The following NDUFAF6 variants were observed in gnomAD, a reference collection of about 807,000 sequenced individuals.
NDUFAF6 encodes the protein NADH:ubiquinone oxidoreductase complex assembly factor 6, also known as NADH dehydrogenase (ubiquinone) complex I, assembly factor 6.
In NDUFAF6, 45 loss-of-function variants were observed where a neutral mutation model predicts 40.8. The ratio of observed to expected loss-of-function variants is 1.10; its 90% CI spans 0.87 to 1.42. The LOEUF (loss-of-function observed/expected upper bound fraction) is 1.42. Among genes scored for constraint, NDUFAF6 ranks in the 40% most tolerant of loss-of-function variants. NDUFAF6 has a pLI of 0.00. For missense variants in NDUFAF6, 435 were observed against 418.5 expected (o/e 1.04, Z -0.34); for synonymous variants, 185 against 155.9 (o/e 1.19, Z -1.39).
At chr8:95,096,616 A>C (rs1019762346), upstream of NDUFAF6, among the ~76,000 whole-genome samples, 3 of 152,216 alleles carry the variant, frequency 2.0e-5, no homozygotes, top group African/African-American at 7.2e-5. Context: ...AAAGCTGTAC[A>C]AGTAGTAAGT....
chr8:95,101,139 A>G (rs1289310637), exon 2 of NDUFAF6: 1 of 152,222 alleles, frequency 6.6e-6, no homozygotes, highest in East Asian at 1.9e-4. Context: ...CAGGGCAAAG[A>G]AGGCTTTATT....
At chr8:95,061,926 G>A (rs1832581078), downstream of NDUFAF6, among the ~76,000 whole-genome samples, 1 of 152,122 alleles carries the variant, frequency 6.6e-6, no homozygotes, top group Non-Finnish European at 1.5e-5. Flanking sequence ...AGGAGGCCGA[G>A]GCAGGTGGAT....
chr8:94,995,252 T>C (rs1826372895), intron 2 of NDUFAF6, among the ~76,000 whole-genome samples: 1 of 152,174 alleles, frequency 6.6e-6, no homozygotes, highest in African/African-American at 2.4e-5. Flanking sequence ...TCATATGAGG[T>C]ATCTAAAGGA....
At chr8:94,980,647 C>CG (rs1825368379) in intron 1 of NDUFAF6, among the ~76,000 whole-genome samples, 1 of 150,672 alleles carries the variant, frequency 6.6e-6, no homozygotes. Context: ...GGGGGGGTCT[C>CG]ACCATGTTGG....
Position 95,012,637 on chromosome 8 carries a change from G to A in NDUFAF6, c.-83-19358G>A, listed in dbSNP as rs571688207. On this transcript the variant is annotated intron_variant, in intron 2 of 9. Coordinates refer to the NDUFAF6 transcript ENST00000396111. ...CCAGCCTGGGCAACAGCAAGACTCT[G>A]TCTCTAAAATAAATAAATAAATAAA... is the stretch of plus-strand genomic sequence containing the variant. 6.6e-4 allele frequency among the ~76,000 whole-genome samples: 61 copies of A among 92,358 alleles called. 1 individual carries two copies. In the South Asian group the frequency reaches 0.023, roughly 35 times the overall value. 60.6% of individuals were successfully genotyped at this position (92,358 alleles called of 152,430 possible).
At chr8:94,964,023 A>T (rs4735340) in intron 1 of NDUFAF6, among the ~76,000 whole-genome samples, 77,002 of 152,042 alleles carry the variant, frequency 0.51, 19,925 homozygotes, top group East Asian at 0.72. Context: ...CTGTGCTAAA[A>T]TTCTGTGGCC....
At chr8:94,918,441 T>C (rs1481753904) in intron 1 of NDUFAF6, among the ~76,000 whole-genome samples, 23 of 152,178 alleles carry the variant, frequency 1.5e-4, no homozygotes, top group Admixed American at 1.5e-3. Flanking sequence ...TCACAGACAA[T>C]CCTGGTCAGC....
upstream of NDUFAF6, among the ~76,000 whole-genome samples, chr8:94,954,537 TA>T (rs1822909341): frequency 6.6e-6 from 1 of 152,086 alleles, no homozygotes; most frequent in African/African-American, 2.4e-5. Context: ...GGTAAAGGGT[TA>T]GAGAGAAGTT....
At chr8:95,047,617 C>A (rs933596583) in intron 6 of NDUFAF6, among the ~76,000 whole-genome samples, 1 of 147,570 alleles carries the variant, frequency 6.8e-6, no homozygotes, top group African/African-American at 2.5e-5. Context: ...TAAAGCGATT[C>A]TTCTGCCTCG....
intron 1 of NDUFAF6, among the ~76,000 whole-genome samples, chr8:94,911,246 A>G (rs1818761155): frequency 6.6e-6 from 1 of 152,190 alleles, no homozygotes; most frequent in Admixed American, 6.5e-5. Context: ...TTTGAGATAA[A>G]CAGATGGATT....
chr8:94,899,067 T>G (rs1032170993), intron 1 of NDUFAF6, among the ~76,000 whole-genome samples: 1 of 152,092 alleles, frequency 6.6e-6, no homozygotes, highest in Non-Finnish European at 1.5e-5. Context: ...GGAAAAAAAA[T>G]CTTTGTATTT....
chr8:95,022,605 A>T (rs1369436585), upstream of NDUFAF6, among the ~76,000 whole-genome samples: 3 of 151,450 alleles, frequency 2.0e-5, no homozygotes, highest in African/African-American at 7.3e-5. Context: ...AAAAAAAAGA[A>T]ATGTAAAAAA....
chr8:95,106,091 T>C (rs1207381924), downstream of NDUFAF6, among the ~76,000 whole-genome samples: 3 of 151,852 alleles, frequency 2.0e-5, no homozygotes, highest in South Asian at 2.1e-4. Context: ...CTGGCTAACA[T>C]GGTGAAACCC....
At chr8:95,078,662 A>AATATATATATATATATAT (rs57127319), downstream of NDUFAF6, 11 of 121,046 alleles carry the variant, frequency 9.1e-5, no homozygotes, top group African/African-American at 3.0e-4. Context: ...AAAAAAAAAA[A>AATATATATATATATATAT]ATATATATAT....
At chr8:94,904,171 A>T (rs2924477) in intron 1 of NDUFAF6, among the ~76,000 whole-genome samples, 109,885 of 150,326 alleles carry the variant, frequency 0.73, 40,289 homozygotes, top group East Asian at 0.8. Context: ...TGAGATGGAG[A>T]CTCACTTTGT....
At chr8:94,956,196 T>C (rs1823057497), upstream of NDUFAF6, among the ~76,000 whole-genome samples, 1 of 152,210 alleles carries the variant, frequency 6.6e-6, no homozygotes, top group Admixed American at 6.5e-5. Flanking sequence ...AAGCATTTAA[T>C]ACAATGCTTG....
chr8:94,904,936 A>G (rs1485025219), intron 1 of NDUFAF6, among the ~76,000 whole-genome samples: 1 of 152,190 alleles, frequency 6.6e-6, no homozygotes, highest in Admixed American at 6.5e-5. Context: ...GCGGTGGCTC[A>G]TGCCTGTAAT....
intron 1 of NDUFAF6, among the ~76,000 whole-genome samples, chr8:94,967,282 T>G (rs77017329): frequency 1.3e-5 from 2 of 152,214 alleles, no homozygotes; most frequent in Non-Finnish European, 2.9e-5. Flanking sequence ...TTCTTGGATA[T>G]GCCCCTCTGT....
At position 95,058,510 on chromosome 8, in the gene NDUFAF6, T is replaced by C; in HGVS notation, c.*573T>C. 8.2e-7 allele frequency: 1 copy of C among 1,225,804 alleles called. No individual in the cohort carries two copies. The highest frequency in any genetic ancestry group is 1.6e-5 in the African/African-American group (1 of 64,392). 75.9% of individuals were successfully genotyped at this position (1,225,804 alleles called of 1,614,324 possible). A position where few individuals can be genotyped will look rare whatever the true frequency, so the allele number is the denominator to read the frequency against. On this transcript the variant is annotated 3_prime_UTR_variant, in exon 9 of 9. Coordinates refer to ENST00000396124, the MANE Select transcript of NDUFAF6 (RefSeq NM_152416.4). ...TGATAATAACATAACTTCTTTAAGGTTGGAGTGGCTGGCAAGAGCAGAGCC... is the reference window on the plus strand; with the variant it reads ...TGATAATAACATAACTTCTTTAAGGCTGGAGTGGCTGGCAAGAGCAGAGCC...
Sources: allele counts gnomAD v4.1 joint callset (sites outside exome capture counted in the v4.1 genomes callset), GRCh38; gene constraint gnomAD v4.1.1; transcripts MANE v1.5; gene names NCBI Gene and HGNC (gene_info 2026-07-23, HGNC 2026-07-21).